Variants in LDLRAD3 observed in about 807,000 individuals in gnomAD.
LDLRAD3 encodes the protein low-density lipoprotein receptor class A domain-containing protein 3.
Under a neutral mutation model 29.4 loss-of-function variants are expected in LDLRAD3, and 20 were observed. The observed-to-expected ratio is 0.68, with a 90% CI of 0.48 to 0.99. The LOEUF is 0.99. Among genes scored for constraint, LDLRAD3 ranks in the 50% least tolerant of loss-of-function variants. LDLRAD3 has a pLI of 0.00. For synonymous variants in LDLRAD3, 157 were observed against 192.7 expected, an observed-to-expected ratio of 0.81 and a Z score of 1.53; for missense variants, 420 against 454.3, an observed-to-expected ratio of 0.92 and a Z score of 0.69.
At chr11:35,974,372 T>G (rs762130364) in intron 1 of LDLRAD3, among the ~76,000 whole-genome samples, 1 of 152,204 alleles carries the variant, frequency 6.6e-6, no homozygotes, top group Non-Finnish European at 1.5e-5. Context: ...CTCACTGACT[T>G]GACCTCTCTT....
chr11:36,143,901 G>GCTCCCTCTCCCT (rs1221537607), intron 4 of LDLRAD3, among the ~76,000 whole-genome samples: 1 of 60,524 alleles, frequency 1.7e-5, no homozygotes, highest in Non-Finnish European at 2.9e-5. Context: ...AGTGTTGGAG[G>GCTCCCTCTCCCT]CTCCCTCTCC....
intron 4 of LDLRAD3, among the ~76,000 whole-genome samples, chr11:36,200,678 G>T (rs886064326): frequency 2.0e-5 from 3 of 152,224 alleles, no homozygotes; most frequent in Non-Finnish European, 4.4e-5. Flanking sequence ...CCACTTGCTG[G>T]CTGTGTGAAC....
chr11:36,125,185 A>G (rs553598419), intron 4 of LDLRAD3, among the ~76,000 whole-genome samples: 2 of 152,242 alleles, frequency 1.3e-5, no homozygotes, highest in East Asian at 3.9e-4. Context: ...TGTGCATTCC[A>G]TGTAAGCAGG....
intron 4 of LDLRAD3, among the ~76,000 whole-genome samples, chr11:36,177,005 A>AT (rs926215657): frequency 1.7e-4 from 25 of 149,548 alleles, no homozygotes; most frequent in African/African-American, 2.2e-4. Context: ...GCTTTGTTCA[A>AT]TTTTTTTTTT....
At position 36,229,192 on chromosome 11, in the gene LDLRAD3, A is replaced by G; in HGVS notation, c.833A>G (p.Tyr278Cys). 1 of 1,612,344 alleles carries G rather than the reference A, an allele frequency of 6.2e-7. No individual in the cohort carries two copies. The highest frequency in any genetic ancestry group is 8.5e-7 in the Non-Finnish European group (1 of 1,179,566). Reference protein sequence around the residue: ...PAWYDLPPPPYSSDTESLNQA... With the variant: ...PAWYDLPPPPCSSDTESLNQA... ...TGGTATGACCTTCCTCCACCGCCCT[A>G]CTCTTCTGACACGGAATCTCTGAAC... is the stretch of plus-strand genomic sequence containing the variant. The change falls in exon 6 of 6, where the codon TAC becomes TGC. Residue 278 changes from tyrosine (Y) to cysteine (C), a missense_variant. Coordinates refer to ENST00000315571, the MANE Select transcript of LDLRAD3 (RefSeq NM_174902.4).
chr11:36,056,522 T>C (rs1852623063), intron 2 of LDLRAD3, among the ~76,000 whole-genome samples: 2 of 152,176 alleles, frequency 1.3e-5, no homozygotes, highest in Non-Finnish European at 2.9e-5. Flanking sequence ...ACTGAACCAC[T>C]CTGCTGTGCT....
At chr11:36,057,727 A>G (rs1193541775) in intron 2 of LDLRAD3, among the ~76,000 whole-genome samples, 1 of 152,108 alleles carries the variant, frequency 6.6e-6, no homozygotes, top group Non-Finnish European at 1.5e-5. Flanking sequence ...ATGAATTCTG[A>G]CCTTTCCATC....
rs567608931 is a variant in LDLRAD3 at position 36,140,234 on chromosome 11, G to C, written c.454+41773G>C. Among the ~76,000 whole-genome samples the C allele has an allele frequency of 5.3e-5, 8 of 152,334 alleles. No individual in the cohort carries two copies. In the South Asian group the frequency reaches 1.7e-3, roughly 32 times the overall value. On this transcript the variant is annotated intron_variant, in intron 4 of 5. Transcript: ENST00000315571. ...GAACCATGAGCCTATGAGGGGATGT[G>C]CACTTCTTCTAGTAGGCAGGGCAAA... is the stretch of plus-strand genomic sequence containing the variant.
rs538036260 is a variant in LDLRAD3 at position 35,951,885 on chromosome 11, C to T, written c.46+7741C>T. Among the ~76,000 whole-genome samples the T allele has an allele frequency of 2.0e-5, 3 of 152,310 alleles. 1 individual carries two copies. The South Asian group carries it at 6.2e-4, about 32-fold the overall frequency. On this transcript the variant is annotated intron_variant, in intron 1 of 5. Coordinates refer to ENST00000315571, the MANE Select transcript of LDLRAD3 (RefSeq NM_174902.4). ...GCCAGTGACCAATAAATCACAGCTT[C>T]CGCCCACCCTGTGCTTTTAGAAGAT...
At position 36,229,614 on chromosome 11, in the gene LDLRAD3, G is replaced by A. The variant is rs1855549184; in HGVS notation, c.*217G>A. The A allele has an allele frequency of 7.0e-6, 3 of 429,128 alleles. No homozygotes were observed. Among genetic ancestry groups the A allele is most frequent in the Non-Finnish European group, 8.2e-6 (2 of 243,588 alleles). The allele number at this position is 429,128 out of a possible 1,614,324, so 26.6% of individuals were successfully genotyped here. On this transcript the variant is annotated 3_prime_UTR_variant, in exon 6 of 6. Coordinates refer to ENST00000315571, the MANE Select transcript of LDLRAD3 (RefSeq NM_174902.4). ...GATCTGTTGTGCGTCTTTTCTGTCA[G>A]GTCACTCTTCCCTTGGGACCCGAGA...
chr11:35,971,021 C>G (rs536360156), intron 1 of LDLRAD3, among the ~76,000 whole-genome samples: 1 of 152,186 alleles, frequency 6.6e-6, no homozygotes, highest in South Asian at 2.1e-4. Context: ...TGTGGGTCAT[C>G]AAGGACCCAG....
intron 1 of LDLRAD3, among the ~76,000 whole-genome samples, chr11:36,026,385 T>A (rs182614577): frequency 2.3e-4 from 35 of 152,356 alleles, no homozygotes; most frequent in Middle Eastern, 3.4e-3. Flanking sequence ...GCTGTCGCCC[T>A]GTGCACATAT....
At chr11:36,019,262 GC>G (rs1852063095) in intron 1 of LDLRAD3, among the ~76,000 whole-genome samples, 1 of 152,176 alleles carries the variant, frequency 6.6e-6, no homozygotes, top group African/African-American at 2.4e-5. Flanking sequence ...TGAATCTCTT[GC>G]CCCGTGTCTC....
chr11:36,172,952 G>A (rs999307288), intron 4 of LDLRAD3, among the ~76,000 whole-genome samples: 3 of 152,122 alleles, frequency 2.0e-5, no homozygotes, highest in Non-Finnish European at 2.9e-5. Context: ...GAATCTGTCC[G>A]TGCCTGGACT....
rs746901075 is a variant in LDLRAD3 at position 36,081,779 on chromosome 11, G to C, written c.319+1G>C. ...GATGGCAGCGATGAAGAGAACTGCA[G>C]TAAGTGCTGCGCACTTGAACACTGT... is the stretch of plus-strand genomic sequence containing the variant. On this transcript the variant is annotated splice_donor_variant, in intron 3 of 5. Transcript: ENST00000315571. LOFTEE classifies it high-confidence loss of function. 6.2e-7 allele frequency: 1 copy of C among 1,614,096 alleles called. No individual in the cohort carries two copies. Among genetic ancestry groups the C allele is most frequent in the Non-Finnish European group, 8.5e-7 (1 of 1,180,028 alleles).
intron 2 of LDLRAD3, among the ~76,000 whole-genome samples, chr11:36,038,903 A>T (rs1852341406): frequency 6.6e-6 from 1 of 152,068 alleles, no homozygotes; most frequent in Admixed American, 6.6e-5. Context: ...TAGAAAGTTT[A>T]GACAGTAGAG....
intron 3 of LDLRAD3, among the ~76,000 whole-genome samples, chr11:36,086,453 C>A (rs572469204): frequency 2.5e-4 from 38 of 152,286 alleles, no homozygotes; most frequent in African/African-American, 9.1e-4. Context: ...TCTACCAGCC[C>A]TCTGTGGGCT....
chr11:35,953,042 A>C (rs1165774424), intron 1 of LDLRAD3, among the ~76,000 whole-genome samples: 1 of 152,228 alleles, frequency 6.6e-6, no homozygotes, highest in Admixed American at 6.5e-5. Flanking sequence ...AGTGTTAGCT[A>C]CAGGCAGAGC....
chr11:36,103,272 T>C (rs1853477124), intron 4 of LDLRAD3, among the ~76,000 whole-genome samples: 1 of 145,724 alleles, frequency 6.9e-6, no homozygotes, highest in Non-Finnish European at 1.5e-5. Context: ...AGTCTCGCTC[T>C]GTCACCCAGG....
Sources: gnomAD v4.1 joint callset for allele counts (sites outside exome capture counted in the v4.1 genomes callset) on GRCh38, gnomAD v4.1.1 for gene constraint, MANE v1.5 for transcripts, NCBI Gene and HGNC (gene_info 2026-07-23, HGNC 2026-07-21) for gene names.